The following PCDH11X variants were observed in gnomAD, a reference collection of about 807,000 sequenced individuals.
The protein encoded by PCDH11X is protocadherin 11 X-linked.
PCDH11X carries 18 observed loss-of-function variants against 53.3 expected under a neutral mutation model. That is an observed-to-expected ratio of 0.34 (90% CI 0.23 to 0.50). PCDH11X has a LOEUF of 0.50. Ranked by LOEUF, PCDH11X falls within the 20% of genes least tolerant of loss-of-function variation. The pLI is 0.98. For missense variants in PCDH11X, 570 were observed against 1,032.4 expected, an observed-to-expected ratio of 0.55 and a Z score of 6.14; for synonymous variants, 279 against 393.3, an observed-to-expected ratio of 0.71 and a Z score of 3.44.
chrX:92,063,365 T>A (rs2063554599), intron 6 of PCDH11X, among the ~76,000 whole-genome samples: 1 of 111,463 alleles, frequency 9.0e-6, no homozygotes, highest in Non-Finnish European at 1.9e-5. Flanking sequence ...GCATTCAAAA[T>A]TTTTAAAAAA....
intron 8 of PCDH11X, among the ~76,000 whole-genome samples, chrX:92,310,307 G>A (rs971065844): frequency 4.5e-5 from 5 of 112,256 alleles, no homozygotes; most frequent in East Asian, 2.8e-4. Context: ...CAACATCACC[G>A]CATTCTAAAA....
In PCDH11X at chrX:92,056,133, A is replaced by T. The variant is rs777126416; in HGVS notation, c.3034-145242A>T. ...ACCACACTGTCTGCTGCAATGGTTG[A>T]ATTAATTTACACTCCCACCAACAGT... On this transcript the variant is annotated intron_variant, in intron 6 of 10. Coordinates refer to ENST00000682573, the MANE Select transcript of PCDH11X (RefSeq NM_032968.5). 1.2e-4 allele frequency among the ~76,000 whole-genome samples: 13 copies of T among 111,564 alleles called. No homozygotes were observed. In the East Asian group the frequency reaches 3.7e-3, roughly 32 times the overall value.
chrX:92,350,174 T>C (rs1444048497), intron 8 of PCDH11X, among the ~76,000 whole-genome samples: 1 of 109,790 alleles, frequency 9.1e-6, no homozygotes, highest in Admixed American at 9.8e-5. Flanking sequence ...ACCTCACCTC[T>C]TTCTGGTGCC....
At chrX:91,824,600 C>G (rs1447260947) in intron 4 of PCDH11X, among the ~76,000 whole-genome samples, 1 of 102,949 alleles carries the variant, frequency 9.7e-6, no homozygotes, top group Non-Finnish European at 1.9e-5. Context: ...AAGTTTTCAA[C>G]TTCTTTGCCT....
At chrX:92,525,429 G>A (rs1196730568) in intron 10 of PCDH11X, among the ~76,000 whole-genome samples, 3 of 109,741 alleles carry the variant, frequency 2.7e-5, no homozygotes, top group Non-Finnish European at 5.7e-5. Flanking sequence ...TCAGGAGTTC[G>A]AGACCAGCCT....
In PCDH11X at chrX:91,799,984, G is replaced by A. The variant is rs746830960; in HGVS notation, c.-378-9482G>A. Among the ~76,000 whole-genome samples the A allele has an allele frequency of 4.3e-3, 484 of 112,367 alleles. 3 individuals carry two copies. Among genetic ancestry groups the A allele is most frequent in the African/African-American group, 0.015 (454 of 30,896 alleles). On this transcript the variant is annotated intron_variant, in intron 1 of 10. Transcript: ENST00000682573. ...CACGCCTATAATCCCACGTACTCGG[G>A]AGGCTGAGGCACAAGAATCGCTTGA...
intron 6 of PCDH11X, among the ~76,000 whole-genome samples, chrX:92,028,952 A>G (rs774979942): frequency 2.2e-3 from 237 of 109,753 alleles, no homozygotes; most frequent in African/African-American, 7.6e-3. Flanking sequence ...GGAAGAATCA[A>G]TGACCCATCA....
chrX:91,838,535 G>A (rs901678184), intron 5 of PCDH11X, among the ~76,000 whole-genome samples: 3 of 110,992 alleles, frequency 2.7e-5, no homozygotes, highest in African/African-American at 6.6e-5. Context: ...ACTTTGACTC[G>A]CAAAAAGGCC....
intron 10 of PCDH11X, among the ~76,000 whole-genome samples, chrX:92,605,694 TA>T (rs1291532693): frequency 1.8e-5 from 2 of 111,631 alleles, no homozygotes; most frequent in Admixed American, 9.5e-5. Flanking sequence ...AAACATTTCT[TA>T]AAAAAATTAA....
At chrX:92,101,307 G>A (rs2064245072) in intron 6 of PCDH11X, among the ~76,000 whole-genome samples, 1 of 111,441 alleles carries the variant, frequency 9.0e-6, no homozygotes, top group Non-Finnish European at 1.9e-5. Flanking sequence ...TGAGACTGCG[G>A]CCTAATAAAA....
chrX:92,293,395 C>A (rs938585718), intron 8 of PCDH11X, among the ~76,000 whole-genome samples: 1 of 109,929 alleles, frequency 9.1e-6, no homozygotes, highest in African/African-American at 3.3e-5. Context: ...GAGGCCAAGG[C>A]GGGCAGATCA....
intron 6 of PCDH11X, among the ~76,000 whole-genome samples, chrX:92,068,057 C>T (rs181371266): frequency 0.022 from 2,375 of 109,374 alleles, 90 homozygotes; most frequent in African/African-American, 0.076. Context: ...TTTTCTTAGT[C>T]GGGCTACAGA....
chrX:91,960,481 G>A (rs1290530536), intron 6 of PCDH11X, among the ~76,000 whole-genome samples: 1 of 110,621 alleles, frequency 9.0e-6, no homozygotes, highest in African/African-American at 3.3e-5. Context: ...CTGGAGTGCA[G>A]TGGCGCAATC....
intron 10 of PCDH11X, among the ~76,000 whole-genome samples, chrX:92,511,734 C>T (rs1282505299): frequency 9.0e-6 from 1 of 111,311 alleles, no homozygotes; most frequent in Admixed American, 9.6e-5. Flanking sequence ...TGTGACCAGA[C>T]TTTCTTATAT....
intron 8 of PCDH11X, among the ~76,000 whole-genome samples, chrX:92,373,006 C>T (rs2070661668): frequency 9.0e-6 from 1 of 111,328 alleles, no homozygotes; most frequent in Admixed American, 9.6e-5. Context: ...TATATTCATA[C>T]ATTGATACTA....
chrX:92,220,292 C>G (rs1279138959), intron 7 of PCDH11X, among the ~76,000 whole-genome samples: 6 of 81,338 alleles, frequency 7.4e-5, no homozygotes, highest in Non-Finnish European at 7.1e-5. Context: ...TTTTCGCCAC[C>G]TACTCATCTG....
At chrX:92,433,679 C>A (rs139605596) in intron 9 of PCDH11X, among the ~76,000 whole-genome samples, 132 of 111,057 alleles carry the variant, frequency 1.2e-3, no homozygotes, top group African/African-American at 3.9e-3. Context: ...AAAGTGAATC[C>A]TGATTTTCCT....
At chrX:91,808,797 C>T (rs1211091339) in intron 1 of PCDH11X, among the ~76,000 whole-genome samples, 4 of 110,413 alleles carry the variant, frequency 3.6e-5, no homozygotes, top group Admixed American at 9.6e-5. Flanking sequence ...TCTGCACTTA[C>T]GGTAGCTGTC....
intron 5 of PCDH11X, among the ~76,000 whole-genome samples, chrX:91,852,819 G>A (rs750852604): frequency 5.5e-4 from 59 of 106,923 alleles, no homozygotes; most frequent in African/African-American, 1.8e-3. Context: ...CTCGGGTTGC[G>A]GTGGGGGCCC....
Sources: gnomAD v4.1 joint callset for allele counts (sites outside exome capture counted in the v4.1 genomes callset) on GRCh38, gnomAD v4.1.1 for gene constraint, MANE v1.5 for transcripts, NCBI Gene and HGNC (gene_info 2026-07-23, HGNC 2026-07-21) for gene names.